Variants in SNTG1 observed in about 807,000 individuals in gnomAD.
SNTG1 encodes the protein syntrophin gamma 1.
Under a neutral mutation model 74.7 loss-of-function variants are expected in SNTG1, and 39 were observed. The observed-to-expected ratio is 0.52, with a 90% CI of 0.40 to 0.68. The LOEUF (loss-of-function observed/expected upper bound fraction) is 0.68. Ranked by LOEUF, SNTG1 falls within the 30% of genes least tolerant of loss-of-function variation. SNTG1 has a pLI of 0.00. For missense variants in SNTG1, 685 were observed against 609.5 expected, an observed-to-expected ratio of 1.12 and a Z score of -1.30; for synonymous variants, 254 against 217.1, an observed-to-expected ratio of 1.17 and a Z score of -1.49.
chr8:50,097,590 TGCAGTGAGCGGAGATCGCGCCACA>T (rs1237012237), intron 1 of SNTG1, among the ~76,000 whole-genome samples: 3 of 151,574 alleles, frequency 2.0e-5, no homozygotes, highest in Non-Finnish European at 4.4e-5. Flanking sequence ...AGGCGGAGCT[TGCAGTGAGCGGAGATCGCGCCACA>T]GCACTCCAGC....
chr8:50,321,574 T>C (rs1302854500), intron 2 of SNTG1, among the ~76,000 whole-genome samples: 1 of 111,196 alleles, frequency 9.0e-6, no homozygotes, highest in Admixed American at 1.0e-4. Flanking sequence ...TGCCATTTGT[T>C]GTTTTCTTGT....
chr8:49,938,658 CTCTT>C (rs1437706699), intron 1 of SNTG1, among the ~76,000 whole-genome samples: 3 of 48,286 alleles, frequency 6.2e-5, no homozygotes, highest in Non-Finnish European at 1.5e-4. Context: ...CTCTCTCTCT[CTCTT>C]CCTTCCTTCC....
chr8:50,330,475 C>T (rs984801503), intron 2 of SNTG1, among the ~76,000 whole-genome samples: 1 of 152,326 alleles, frequency 6.6e-6, no homozygotes, highest in East Asian at 1.9e-4. Flanking sequence ...AAGTTTCAAA[C>T]TTTCTCACAT....
chr8:49,960,640 C>T (rs1301554972), intron 1 of SNTG1, among the ~76,000 whole-genome samples: 1 of 151,928 alleles, frequency 6.6e-6, no homozygotes, highest in South Asian at 2.1e-4. Flanking sequence ...CACATATATG[C>T]AGAGACATAT....
At chr8:50,279,417 C>T (rs2088303486) in intron 2 of SNTG1, among the ~76,000 whole-genome samples, 1 of 151,834 alleles carries the variant, frequency 6.6e-6, no homozygotes, top group African/African-American at 2.4e-5. Flanking sequence ...TTAACTTTAC[C>T]AGTGTGTTTG....
intron 1 of SNTG1, among the ~76,000 whole-genome samples, chr8:50,045,045 C>T (rs1818961390): frequency 1.3e-5 from 2 of 152,246 alleles, no homozygotes; most frequent in Admixed American, 6.5e-5. Flanking sequence ...AGAGCCTTTT[C>T]CTATGGCAGT....
intron 2 of SNTG1, among the ~76,000 whole-genome samples, chr8:50,245,590 G>C (rs1240072395): frequency 6.6e-6 from 1 of 152,174 alleles, no homozygotes; most frequent in Non-Finnish European, 1.5e-5. Flanking sequence ...GGCTGAGGCA[G>C]GAGAATCCCT....
At chr8:50,498,562 T>A (rs1450083460) in intron 8 of SNTG1, among the ~76,000 whole-genome samples, 1 of 151,940 alleles carries the variant, frequency 6.6e-6, no homozygotes, top group South Asian at 2.1e-4. Context: ...CTTAAAAGTA[T>A]GTTGCATAGA....
chr8:50,677,886 T>A (rs1339110021), intron 15 of SNTG1, among the ~76,000 whole-genome samples: 1 of 151,950 alleles, frequency 6.6e-6, no homozygotes, highest in East Asian at 1.9e-4. Context: ...ATATTTTAAC[T>A]GTCATGCATT....
intron 13 of SNTG1, among the ~76,000 whole-genome samples, chr8:50,634,427 C>G (rs2095025372): frequency 6.6e-6 from 1 of 152,152 alleles, no homozygotes; most frequent in South Asian, 2.1e-4. Context: ...CATCTTTGAG[C>G]TTTTCAAACG....
At chr8:50,022,751 A>C (rs547650104) in intron 1 of SNTG1, among the ~76,000 whole-genome samples, 5 of 152,148 alleles carry the variant, frequency 3.3e-5, no homozygotes, top group Non-Finnish European at 7.3e-5. Flanking sequence ...AATAGTGTCC[A>C]TGTTGCCTCT....
intron 17 of SNTG1, among the ~76,000 whole-genome samples, chr8:50,716,733 C>CCT (rs1554619725): frequency 0.038 from 5,671 of 147,930 alleles, 162 homozygotes; most frequent in Non-Finnish European, 0.052. Flanking sequence ...CTTTCTTATT[C>CCT]TTTTTTTTTT....
intron 2 of SNTG1, among the ~76,000 whole-genome samples, chr8:50,320,942 T>C (rs538952434): frequency 6.6e-6 from 1 of 152,296 alleles, no homozygotes; most frequent in Non-Finnish European, 1.5e-5. Context: ...ATGTGATCTA[T>C]CTTTAAGAAT....
chr8:50,025,896 T>A (rs935170198), intron 1 of SNTG1, among the ~76,000 whole-genome samples: 4 of 152,150 alleles, frequency 2.6e-5, no homozygotes, highest in African/African-American at 7.2e-5. Flanking sequence ...GTTTCTCACA[T>A]TGATAAAATG....
chr8:50,020,660 A>T (rs1413701719), intron 1 of SNTG1, among the ~76,000 whole-genome samples: 1 of 152,196 alleles, frequency 6.6e-6, no homozygotes, highest in South Asian at 2.1e-4. Flanking sequence ...GGGGCTATTT[A>T]TTGGAGAGCA....
At chr8:50,468,624 T>C (rs1005618473) in intron 8 of SNTG1, among the ~76,000 whole-genome samples, 1 of 152,178 alleles carries the variant, frequency 6.6e-6, no homozygotes, top group Non-Finnish European at 1.5e-5. Flanking sequence ...ACCATTCAAA[T>C]ATAAAGTTAT....
intron 2 of SNTG1, among the ~76,000 whole-genome samples, chr8:50,381,455 T>A (rs970276186): frequency 1.1e-4 from 17 of 150,640 alleles, no homozygotes; most frequent in African/African-American, 4.1e-4. Context: ...GAAAAATAAG[T>A]TTTGTTGTTG....
At chr8:50,256,357 A>G (rs566454828) in intron 2 of SNTG1, among the ~76,000 whole-genome samples, 1 of 152,148 alleles carries the variant, frequency 6.6e-6, no homozygotes, top group South Asian at 2.1e-4. Flanking sequence ...CTAATCTACA[A>G]TAAAATGTTT....
intron 11 of SNTG1, among the ~76,000 whole-genome samples, chr8:50,543,857 T>A (rs1356043660): frequency 6.6e-6 from 1 of 152,136 alleles, no homozygotes; most frequent in East Asian, 1.9e-4. Context: ...TTTAGTTTTG[T>A]TGCTTTATTG....
Sources: allele counts gnomAD v4.1 joint callset (sites outside exome capture counted in the v4.1 genomes callset), GRCh38; gene constraint gnomAD v4.1.1; transcripts MANE v1.5; gene names NCBI Gene and HGNC (gene_info 2026-07-23, HGNC 2026-07-21).